The following PVT1 variants were observed in gnomAD, a reference collection of about 807,000 sequenced individuals.
PVT1 encodes CXCR4/PVT1 fusion.
At chr8:128,098,535 G>A (rs3931282) in intron 6 of PVT1, among the ~76,000 whole-genome samples, 60,223 of 152,130 alleles carry the variant, frequency 0.4, 14,122 homozygotes, top group Non-Finnish European at 0.54. Context: ...ATGTAGAGTG[G>A]AGGTAGAGAG....
At chr8:127,957,455 C>T (rs56007811) in intron 3 of PVT1, among the ~76,000 whole-genome samples, 2 of 151,588 alleles carry the variant, frequency 1.3e-5, no homozygotes, top group South Asian at 4.2e-4. Flanking sequence ...TACCGTGCAG[C>T]TACTCAGGAG....
At chr8:128,081,441 T>C (rs900453136) in intron 5 of PVT1, among the ~76,000 whole-genome samples, 3 of 152,240 alleles carry the variant, frequency 2.0e-5, no homozygotes, top group Non-Finnish European at 4.4e-5. Flanking sequence ...GGTGAGACTA[T>C]GTTTAGCTCA....
chr8:127,975,393 TAGTG>T (rs1586463198), intron 3 of PVT1, among the ~76,000 whole-genome samples: 5 of 152,216 alleles, frequency 3.3e-5, no homozygotes, highest in Non-Finnish European at 7.3e-5. Context: ...TTTTTATCCT[TAGTG>T]AGGCCAATTT....
chr8:127,896,402 C>T (rs985589755), intron 3 of PVT1, among the ~76,000 whole-genome samples: 4 of 151,916 alleles, frequency 2.6e-5, no homozygotes, highest in African/African-American at 7.3e-5. Flanking sequence ...GGCCTGGGCT[C>T]CAGGGGCAGT....
intron 3 of PVT1, among the ~76,000 whole-genome samples, chr8:127,910,311 G>A (rs941597304): frequency 3.3e-5 from 5 of 152,200 alleles, no homozygotes; most frequent in Non-Finnish European, 7.4e-5. Context: ...ATTTTAGAAG[G>A]TGGTTTTTGT....
intron 4 of PVT1, chr8:127,998,156 GT>G (rs1817128774): frequency 6.6e-6 from 1 of 152,274 alleles, no homozygotes; most frequent in East Asian, 1.9e-4. Flanking sequence ...ATACTTTTGT[GT>G]TTTTGTTCTT....
intron 3 of PVT1, among the ~76,000 whole-genome samples, chr8:127,972,644 C>CAGG (rs1462508770): frequency 1.3e-5 from 2 of 152,028 alleles, no homozygotes; most frequent in Non-Finnish European, 2.9e-5. Context: ...GAGGCTAAGG[C>CAGG]AGGAGGATCA....
chr8:127,884,757 T>G (rs1428963674), intron 2 of PVT1, among the ~76,000 whole-genome samples: 1 of 152,240 alleles, frequency 6.6e-6, no homozygotes, highest in Non-Finnish European at 1.5e-5. Flanking sequence ...GATTTCATGA[T>G]ACGGGAAATC....
chr8:127,991,716 G>C (rs913007829), intron 4 of PVT1, among the ~76,000 whole-genome samples: 1 of 152,212 alleles, frequency 6.6e-6, no homozygotes, highest in Non-Finnish European at 1.5e-5. Flanking sequence ...CAAGTGCTGG[G>C]TTTCTGAGGC....
At chr8:127,971,526 G>C (rs1816764333) in intron 3 of PVT1, among the ~76,000 whole-genome samples, 1 of 152,188 alleles carries the variant, frequency 6.6e-6, no homozygotes, top group Non-Finnish European at 1.5e-5. Context: ...ATAGAGCAGG[G>C]GCCCAATAAT....
intron 2 of PVT1, among the ~76,000 whole-genome samples, chr8:127,858,574 G>T (rs1378845845): frequency 6.6e-6 from 1 of 151,868 alleles, no homozygotes; most frequent in Admixed American, 6.6e-5. Context: ...TGGCCAAAAG[G>T]CCAGATGTCA....
intron 2 of PVT1, among the ~76,000 whole-genome samples, chr8:127,843,169 A>G (rs1209581634): frequency 6.6e-6 from 1 of 152,196 alleles, no homozygotes; most frequent in Non-Finnish European, 1.5e-5. Flanking sequence ...CAACCTGGGC[A>G]ACATGGCAAA....
intron 4 of PVT1, among the ~76,000 whole-genome samples, chr8:127,997,812 G>T (rs1337508710): frequency 2.0e-5 from 3 of 152,144 alleles, no homozygotes; most frequent in African/African-American, 7.2e-5. Context: ...CCTGGTCCAG[G>T]ATCCCATCTG....
chr8:127,809,196 T>C (rs987916449), intron 2 of PVT1, among the ~76,000 whole-genome samples: 4 of 152,060 alleles, frequency 2.6e-5, no homozygotes, highest in African/African-American at 9.7e-5. Context: ...AAAGTTTTCA[T>C]TTTTTTCTTT....
At chr8:127,849,183 A>G (rs1052817358) in intron 2 of PVT1, among the ~76,000 whole-genome samples, 10 of 152,138 alleles carry the variant, frequency 6.6e-5, no homozygotes, top group Admixed American at 2.0e-4. Context: ...GGTGGCAGAT[A>G]ATGCCGGCCT....
chr8:127,986,208 T>G (rs1302269605), intron 3 of PVT1, among the ~76,000 whole-genome samples: 1 of 152,204 alleles, frequency 6.6e-6, no homozygotes, highest in Non-Finnish European at 1.5e-5. Context: ...AACTGTGGCA[T>G]GCTTGATATT....
chr8:127,954,853 T>G (rs928383797), intron 3 of PVT1, among the ~76,000 whole-genome samples: 2 of 152,160 alleles, frequency 1.3e-5, no homozygotes, highest in Non-Finnish European at 2.9e-5. Context: ...GCGCTTTCTG[T>G]GTGCTGCCAC....
Position 127,970,289 on chromosome 8 carries a change from GT to G in PVT1, n.783-18847del, listed in dbSNP as rs68010926. On this transcript the variant is annotated intron_variant and non_coding_transcript_variant, in intron 3 of 10. Transcript: ENST00000651587. ...CATTCCTCTCCATCTGCCATGATTTGTTTTTTTTTTTTTTTTTTTTTTTTTT... is the reference window on the plus strand; with the variant it reads ...CATTCCTCTCCATCTGCCATGATTTGTTTTTTTTTTTTTTTTTTTTTTTTT... Among the ~76,000 whole-genome samples, 422 of 49,068 alleles carry G rather than the reference GT, an allele frequency of 8.6e-3. 1 individual carries two copies. The highest frequency in any genetic ancestry group is 0.033 in the African/African-American group (391 of 11,748). 32.2% of individuals were successfully genotyped at this position (49,068 alleles called of 152,430 possible). A position where few individuals can be genotyped will look rare whatever the true frequency, so the allele number is the denominator to read the frequency against.
At chr8:127,872,663 C>A (rs73710045) in intron 2 of PVT1, among the ~76,000 whole-genome samples, 1 of 152,142 alleles carries the variant, frequency 6.6e-6, no homozygotes, top group Non-Finnish European at 1.5e-5. Context: ...GTGACCTTTC[C>A]GTAGAATGTC....
Sources: gnomAD v4.1 joint callset for allele counts (sites outside exome capture counted in the v4.1 genomes callset) on GRCh38, gnomAD v4.1.1 for gene constraint, MANE v1.5 for transcripts, NCBI Gene and HGNC (gene_info 2026-07-23, HGNC 2026-07-21) for gene names.